The following M6PR variants were observed in gnomAD, a reference collection of about 807,000 sequenced individuals.
The protein encoded by M6PR is cation-dependent mannose-6-phosphate receptor.
A neutral mutation model predicts 33.1 loss-of-function variants in M6PR; 19 were observed. That is an observed-to-expected ratio of 0.57 (90% CI 0.40 to 0.84). The LOEUF (loss-of-function observed/expected upper bound fraction) is 0.84. Among genes scored for constraint, M6PR ranks in the 40% least tolerant of loss-of-function variants. M6PR has a pLI of 0.00. For missense variants in M6PR, 295 were observed against 336.0 expected, an observed-to-expected ratio of 0.88 and a Z score of 0.95; for synonymous variants, 111 against 123.4, an observed-to-expected ratio of 0.90 and a Z score of 0.67.
chr12:8,943,775 G>A (rs373280180), intron 4 of M6PR, 26 bp downstream of exon 4: 11 of 1,589,110 alleles, frequency 6.9e-6, no homozygotes, highest in Admixed American at 1.7e-5. Flanking sequence ...CTCCTCCCTC[G>A]GCTTATACAA....
rs750243531 is a variant in M6PR, at chr12:8,940,489, A to G, written c.*1329T>C. The G allele has an allele frequency of 1.8e-3, 258 of 139,472 alleles. 2 individuals are homozygous for G. Among genetic ancestry groups the G allele is most frequent in the Non-Finnish European group, 2.7e-3 (171 of 64,022 alleles). The allele number at this position is 139,472 out of a possible 1,614,324, so 8.6% of individuals were successfully genotyped here. ...ATAACAAAAAAGATGCTTTTGTAAC[A>G]TTATTTTCCCTGTTTAGAAAGAAAA... is the stretch of plus-strand genomic sequence containing the variant. On this transcript the variant is annotated 3_prime_UTR_variant, in exon 7 of 7. Coordinates refer to ENST00000000412, the MANE Select transcript of M6PR (RefSeq NM_002355.4).
chr12:8,948,005 CCTT>C (rs1038758400), intron 1 of M6PR, among the ~76,000 whole-genome samples: 3 of 152,172 alleles, frequency 2.0e-5, no homozygotes, highest in East Asian at 1.9e-4. Flanking sequence ...ATAGGAGACT[CCTT>C]CTTCTAGACT....
chr12:8,948,763 C>T (rs1376919059), intron 1 of M6PR, among the ~76,000 whole-genome samples: 1 of 152,238 alleles, frequency 6.6e-6, no homozygotes, highest in African/African-American at 2.4e-5. Flanking sequence ...CACTGGGCCT[C>T]TGTAGCACTC....
At chr12:8,943,620 C>T (rs982490982) in intron 4 of M6PR, 85 bp from the exon 5 acceptor site, 8 of 1,544,046 alleles carry the variant, frequency 5.2e-6, no homozygotes, top group African/African-American at 4.1e-5. Context: ...AAAACATCTG[C>T]TCCTTCCTGG....
chr12:8,942,334 C>T, intron 6 of M6PR, 82 bp downstream of exon 6: 1 of 1,597,414 alleles, frequency 6.3e-7, no homozygotes, highest in Non-Finnish European at 8.6e-7. Context: ...CCAGGAACCC[C>T]CTCAGTGTGA....
At chr12:8,942,774 A>G (rs923803444) in intron 5 of M6PR, among the ~76,000 whole-genome samples, 1 of 152,138 alleles carries the variant, frequency 6.6e-6, no homozygotes, top group Non-Finnish European at 1.5e-5. Flanking sequence ...GTGTGATTCT[A>G]TGGCCAAGAA....
In M6PR at chr12:8,941,925, C is replaced by CAT; in HGVS notation, c.726_727insAT (p.Val243MetfsTer81). On this transcript the variant is annotated frameshift_variant, in exon 7 of 7. Transcript: ENST00000000412. LOFTEE classifies it high-confidence loss of function. Reference sequence around the variant, plus strand: ...ACATTTCGAGGTTTAGAACGGCAGACAAAGTCACAGCCATCCTGTAGGGGG... The same window carrying CAT: ...ACATTTCGAGGTTTAGAACGGCAGACATAAAGTCACAGCCATCCTGTAGGGGG... 1 of 1,614,014 alleles carries CAT rather than the reference C, an allele frequency of 6.2e-7. No homozygotes were observed. The highest frequency in any genetic ancestry group is 8.5e-7 in the Non-Finnish European group (1 of 1,180,008).
intron 2 of M6PR, 25 bp from the exon 3 acceptor site, chr12:8,945,609 A>G (rs892866761): frequency 6.2e-7 from 1 of 1,606,960 alleles, no homozygotes; most frequent in African/African-American, 1.3e-5. Context: ...GGGAAGAAAG[A>G]AGAGGAGAGT....
In M6PR at chr12:8,940,643, T is replaced by G. The variant is rs1945985126; in HGVS notation, c.*1175A>C. On this transcript the variant is annotated 3_prime_UTR_variant, in exon 7 of 7. Transcript: ENST00000000412. ...GTGTCCAGTGGAGCCATGTTACTCT[T>G]CAGTGGCCCAGGGGTTCACTATTAA... 1 of 70,860 alleles carries G rather than the reference T, an allele frequency of 1.4e-5. No homozygotes were observed. The highest frequency in any genetic ancestry group is 2.8e-5 in the Non-Finnish European group (1 of 36,010). 4.4% of individuals were successfully genotyped at this position (70,860 alleles called of 1,614,324 possible).
chr12:8,942,266 AGGG>A, intron 6 of M6PR, 147 bp downstream of exon 6: 1 of 1,025,866 alleles, frequency 9.7e-7, no homozygotes, highest in Non-Finnish European at 1.4e-6. Flanking sequence ...ACTCTGTACT[AGGG>A]CAACTGTCTT....
At chr12:8,942,608 C>T (rs1946033352) in intron 5 of M6PR, 66 bp from the exon 6 acceptor site, 49 of 1,523,312 alleles carry the variant, frequency 3.2e-5, no homozygotes, top group Non-Finnish European at 4.4e-5. Context: ...ATAGGATAAC[C>T]TCTGCATTTA....
In M6PR at chr12:8,942,224, C is replaced by T. The variant is rs1946024062; in HGVS notation, c.711+192G>A. ...TGTTGCTCTTTCAGCAATGTCTTAC[C>T]AAGGCCAGAAATGGATGCTGTGCCA... On this transcript the variant is annotated intron_variant, in intron 6 of 6. Transcript: ENST00000000412. 3 of 742,318 alleles carry T rather than the reference C, an allele frequency of 4.0e-6. No homozygotes were observed. In the East Asian group the frequency reaches 8.1e-5, roughly 20 times the overall value. The allele number at this position is 742,318 out of a possible 1,614,324, so 46.0% of individuals were successfully genotyped here.
At position 8,943,786 on chromosome 12, in the gene M6PR, C is replaced by T. The variant is rs773065589; in HGVS notation, c.453+15G>A. ...CAGTCTCCTCCCTCGGCTTATACAA[C>T]ACAGGGTGCCTCACCGCTAGGGTGT... On this transcript the variant is annotated intron_variant, in intron 4 of 6. Coordinates refer to ENST00000000412, the MANE Select transcript of M6PR (RefSeq NM_002355.4). 2 of 1,607,478 alleles carry T rather than the reference C, an allele frequency of 1.2e-6. No individual in the cohort carries two copies. Among genetic ancestry groups the T allele is most frequent in the African/African-American group, 1.3e-5 (1 of 74,766 alleles).
rs777052599 is a variant in M6PR at position 8,941,909 on chromosome 12, G to A, written c.743C>T (p.Pro248Leu). The change falls in exon 7 of 7, where the codon CCT becomes CTT. Residue 248 changes from proline to leucine, a missense_variant. By Grantham distance (98) the Pro-to-Leu change is moderately conservative. Coordinates refer to ENST00000000412, the MANE Select transcript of M6PR (RefSeq NM_002355.4). ...ACGATATGCTGCAGGCACATTTCGA[G>A]GTTTAGAACGGCAGACAAAGTCACA... ...DGCDFVCRSK[P>L]RNVPAAYRGV... 5 of 1,614,064 alleles carry A rather than the reference G, an allele frequency of 3.1e-6. No homozygotes were observed. Among genetic ancestry groups the A allele is most frequent in the Non-Finnish European group, 4.2e-6 (5 of 1,180,008 alleles).
chr12:8,942,370 A>G lies in M6PR; in HGVS notation c.711+46T>C, dbSNP rs764594816. 11 of 1,613,770 alleles carry G rather than the reference A, an allele frequency of 6.8e-6. No homozygotes were observed. The East Asian group carries it at 1.3e-4, about 20-fold the overall frequency. On this transcript the variant is annotated intron_variant, in intron 6 of 6. Transcript: ENST00000000412. ...ACAAACGAGGATGGTTGGTCACCCA[A>G]CCTTGTTTGCAGGCTACAAATTCAA...
At position 8,945,651 on chromosome 12, in the gene M6PR, C is replaced by T. The variant is rs1020382307; in HGVS notation, c.177-67G>A. The T allele has an allele frequency of 1.3e-5, 17 of 1,323,108 alleles. No individual in the cohort carries two copies. The African/African-American group carries it at 1.9e-4, about 15-fold the overall frequency. 82.0% of individuals were successfully genotyped at this position (1,323,108 alleles called of 1,614,324 possible). On this transcript the variant is annotated intron_variant, in intron 2 of 6. Coordinates refer to ENST00000000412, the MANE Select transcript of M6PR (RefSeq NM_002355.4). ...CTATCAGCCTCAGGAATAACAGCAT[C>T]CCTTTCCTTAATTAAAACAAAACAA...
chr12:8,941,833 A>G lies in M6PR; in HGVS notation c.819T>C (p.His273=). ...AAAGTGCAATCTACATTGGTAATAA[A>G]TGGTCATCCCTTTCTTCTGACTCCT... ...LGEESEERDD[H]LLPM is the part of the protein sequence containing the mutation. The change falls in exon 7 of 7, where the codon CAT becomes CAC. Residue 273 remains histidine, a synonymous_variant. Coordinates refer to ENST00000000412, the MANE Select transcript of M6PR (RefSeq NM_002355.4). 1.2e-6 allele frequency: 2 copies of G among 1,614,138 alleles called. No homozygotes were observed. Among genetic ancestry groups the G allele is most frequent in the Non-Finnish European group, 1.7e-6 (2 of 1,180,020 alleles).
At chr12:8,943,607 C>CA in intron 4 of M6PR, 72 bp from the exon 5 acceptor site, 1 of 1,571,882 alleles carries the variant, frequency 6.4e-7, no homozygotes. Context: ...ATAAAAAACC[C>CA]AAAAAACATC....
chr12:8,946,019 C>T lies in M6PR; in HGVS notation c.176+210G>A, dbSNP rs527400054. Among the ~76,000 whole-genome samples, 6 of 152,226 alleles carry T rather than the reference C, an allele frequency of 3.9e-5. No individual in the cohort carries two copies. In the East Asian group the frequency reaches 1.2e-3, roughly 29 times the overall value. On this transcript the variant is annotated intron_variant, in intron 2 of 6. Transcript: ENST00000000412. ...TATTATATGTAGGTGTCAAATAATC[C>T]TTAAATTTCTACAAGCTGGTCTCTT...
Sources: allele counts gnomAD v4.1 joint callset (sites outside exome capture counted in the v4.1 genomes callset), GRCh38; gene constraint gnomAD v4.1.1; transcripts MANE v1.5; gene names NCBI Gene and HGNC (gene_info 2026-07-23, HGNC 2026-07-21).